The following MIA2 variants were observed in gnomAD, a reference collection of about 807,000 sequenced individuals.
MIA2 encodes MIA SH3 domain ER export factor 2.
MIA2 carries 127 observed loss-of-function variants against 167.8 expected under a neutral mutation model. The ratio of observed to expected loss-of-function variants is 0.76; its 90% CI spans 0.66 to 0.88. The LOEUF is 0.88. MIA2 is among the 40% of genes least tolerant of loss of function. The probability of loss-of-function intolerance (pLI) is 0.00; values close to 1 mark genes in which losing one functional copy is unlikely to be tolerated. For missense variants in MIA2, 1,690 were observed against 1,624.7 expected, an observed-to-expected ratio of 1.04 and a Z score of -0.69; for synonymous variants, 552 against 541.9, an observed-to-expected ratio of 1.02 and a Z score of -0.26.
intron 6 of MIA2, among the ~76,000 whole-genome samples, chr14:39,264,404 C>A (rs145724894): frequency 6.6e-6 from 1 of 152,160 alleles, no homozygotes; most frequent in Non-Finnish European, 1.5e-5. Flanking sequence ...CTGCAATGAA[C>A]ATGAGAGTGC....
intron 9 of MIA2, among the ~76,000 whole-genome samples, chr14:39,289,330 T>A (rs1375066879): frequency 1.3e-5 from 2 of 152,070 alleles, no homozygotes; most frequent in African/African-American, 4.8e-5. Context: ...TTCTTGTGCC[T>A]CAGCCTCTCG....
intron 9 of MIA2, among the ~76,000 whole-genome samples, chr14:39,288,287 C>A (rs2060085010): frequency 6.6e-6 from 1 of 150,754 alleles, no homozygotes; most frequent in Non-Finnish European, 1.5e-5. Flanking sequence ...CATAGGAGAA[C>A]CTATCTCTCA....
intron 24 of MIA2, 51 bp from the exon 25 acceptor site, chr14:39,326,813 T>G (rs756998401): frequency 6.6e-7 from 1 of 1,509,300 alleles, no homozygotes; most frequent in South Asian, 1.3e-5. Flanking sequence ...AACAAGTATA[T>G]AAGACTTTTT....
intron 25 of MIA2, among the ~76,000 whole-genome samples, chr14:39,343,691 A>G (rs1023366273): frequency 6.6e-6 from 1 of 152,214 alleles, no homozygotes; most frequent in Non-Finnish European, 1.5e-5. Context: ...TTTGAAAGCA[A>G]AAAAGAAAGG....
chr14:39,288,692 AC>A, intron 9 of MIA2, among the ~76,000 whole-genome samples: 1 of 148,398 alleles, frequency 6.7e-6, no homozygotes, highest in African/African-American at 2.5e-5. Context: ...GGAACTCCTG[AC>A]CCTGTGATCT....
At chr14:39,295,252 G>A (rs1445686983) in intron 13 of MIA2, among the ~76,000 whole-genome samples, 1 of 152,132 alleles carries the variant, frequency 6.6e-6, no homozygotes, top group Non-Finnish European at 1.5e-5. Context: ...GTAAGCCAGG[G>A]CATTTAGCAT....
intron 23 of MIA2, among the ~76,000 whole-genome samples, chr14:39,384,071 GA>G (rs2075222210): frequency 6.6e-6 from 1 of 152,230 alleles, no homozygotes. Context: ...TCTGTTGCAA[GA>G]AGAAGCCATC....
At chr14:39,335,330 G>A (rs1183971974) in intron 25 of MIA2, among the ~76,000 whole-genome samples, 1 of 152,066 alleles carries the variant, frequency 6.6e-6, no homozygotes, top group Non-Finnish European at 1.5e-5. Flanking sequence ...GAGATTATCT[G>A]TCATTTAGTC....
intron 11 of MIA2, 134 bp from the exon 12 acceptor site, chr14:39,293,866 A>G: frequency 1.5e-6 from 1 of 683,830 alleles, no homozygotes; most frequent in Non-Finnish European, 2.6e-6. Context: ...ATATGGCTAA[A>G]TAAACTGAGA....
Position 39,382,300 on chromosome 14 carries a change from C to G in MIA2, c.2249-4585C>G, listed in dbSNP as rs980695943. On this transcript the variant is annotated intron_variant, in intron 23 of 23. Coordinates refer to the MIA2 transcript ENST00000341502. The stretch of plus-strand genomic sequence containing the variant: ...TCCTATTTGAGCAATAAAGACAGCC[C>G]AAGCTGGTACCAAGCATCGATAGGA... Among the ~76,000 whole-genome samples the G allele has an allele frequency of 3.3e-4, 50 of 152,194 alleles. 2 individuals are homozygous for G. The highest frequency in any genetic ancestry group is 2.9e-5 in the Non-Finnish European group (2 of 68,046).
intron 23 of MIA2, among the ~76,000 whole-genome samples, chr14:39,368,808 G>A (rs896187290): frequency 2.0e-5 from 3 of 150,014 alleles, no homozygotes; most frequent in East Asian, 2.0e-4. Context: ...GTAAACGTAC[G>A]TTTAATCTTC....
downstream of MIA2, among the ~76,000 whole-genome samples, chr14:39,354,067 T>TG (rs767369210): frequency 2.3e-4 from 35 of 152,246 alleles, no homozygotes; most frequent in Admixed American, 1.8e-3. Context: ...TATAATCCTT[T>TG]GGGTATATAC....
rs1389678009 is a variant in MIA2, at chr14:39,387,032, C to T, written c.*80C>T. The T allele has an allele frequency of 8.3e-6, 6 of 718,588 alleles. 1 individual carries two copies. The highest frequency in any genetic ancestry group is 6.8e-5 in the South Asian group (4 of 59,012). The allele number at this position is 718,588 out of a possible 1,614,324, so 44.5% of individuals were successfully genotyped here. A position where few individuals can be genotyped will look rare whatever the true frequency, so the allele number is the denominator to read the frequency against. On this transcript the variant is annotated 3_prime_UTR_variant, in exon 24 of 24. Transcript: ENST00000341502. ...CAAGTGGAACAGAAGCCAGAAGGCC[C>T]TACAGTGCCGGGTAGCTGGCGGCGG...
intron 27 of MIA2, among the ~76,000 whole-genome samples, chr14:39,348,285 C>G (rs996818574): frequency 1.2e-4 from 19 of 152,154 alleles, no homozygotes; most frequent in Non-Finnish European, 2.1e-4. Context: ...TGATAAAATA[C>G]AATTTGCAGA....
chr14:39,370,549 T>C (rs2074917514), intron 23 of MIA2: 4 of 370,462 alleles, frequency 1.1e-5, no homozygotes, highest in Non-Finnish European at 5.5e-6. Flanking sequence ...TTGTAGGATA[T>C]GCACCACCGT....
chr14:39,234,114 C>G lies in MIA2; in HGVS notation c.-1C>G. The stretch of plus-strand genomic sequence containing the variant: ...TGGGATTCCCGGTTGCTTGTTTTAG[C>G]ATGGCAAAATTTGGCGTTCACAGAA... On this transcript the variant is annotated 5_prime_UTR_variant, in exon 1 of 29. Transcript: ENST00000640607. 6.3e-7 allele frequency: 1 copy of G among 1,597,060 alleles called. No individual in the cohort carries two copies. The highest frequency in any genetic ancestry group is 8.5e-7 in the Non-Finnish European group (1 of 1,171,098).
At chr14:39,336,708 G>A (rs905803291) in intron 25 of MIA2, among the ~76,000 whole-genome samples, 2 of 152,106 alleles carry the variant, frequency 1.3e-5, no homozygotes, top group African/African-American at 4.8e-5. Flanking sequence ...TTGCTTTCTG[G>A]TTTTCACTCC....
chr14:39,300,919 T>C (rs1400853806), intron 14 of MIA2, among the ~76,000 whole-genome samples: 3 of 75,250 alleles, frequency 4.0e-5, no homozygotes, highest in Non-Finnish European at 8.8e-5. Context: ...ATTTGGCATA[T>C]ATATATATAC....
chr14:39,280,763 A>G (rs2058793664), intron 9 of MIA2, among the ~76,000 whole-genome samples: 1 of 151,116 alleles, frequency 6.6e-6, no homozygotes, highest in Admixed American at 6.6e-5. Flanking sequence ...AAACAAAAAA[A>G]CCCTACTGGC....
Sources: allele counts gnomAD v4.1 joint callset (sites outside exome capture counted in the v4.1 genomes callset), GRCh38; gene constraint gnomAD v4.1.1; transcripts MANE v1.5; gene names NCBI Gene and HGNC (gene_info 2026-07-23, HGNC 2026-07-21).